IGSF21: variants seen among roughly 807,000 people sequenced by gnomAD.
The protein encoded by IGSF21 is immunoglobin superfamily member 21.
IGSF21 carries 28 observed loss-of-function variants against 46.8 expected under a neutral mutation model. The ratio of observed to expected loss-of-function variants is 0.60; its 90% CI spans 0.44 to 0.82. IGSF21 has a LOEUF of 0.82. IGSF21 is among the 40% of genes least tolerant of loss of function. The probability of loss-of-function intolerance (pLI) is 0.00; values close to 1 mark genes in which losing one functional copy is unlikely to be tolerated. For missense variants in IGSF21, 624 were observed against 665.5 expected (o/e 0.94, Z 0.69); for synonymous variants, 284 against 273.6 (o/e 1.04, Z -0.38).
chr1:18,200,526 C>G (rs2124482559), intron 1 of IGSF21, among the ~76,000 whole-genome samples: 1 of 152,266 alleles, frequency 6.6e-6, no homozygotes, highest in South Asian at 2.1e-4. Context: ...GGGCTTGTGC[C>G]TGCATCCCTC....
At chr1:18,272,188 C>T (rs1157563218) in intron 2 of IGSF21, among the ~76,000 whole-genome samples, 1 of 152,166 alleles carries the variant, frequency 6.6e-6, no homozygotes, top group East Asian at 1.9e-4. Context: ...AAACCATCAT[C>T]TCTCGTGAGA....
intron 2 of IGSF21, among the ~76,000 whole-genome samples, chr1:18,282,097 G>A (rs1158579100): frequency 6.6e-6 from 1 of 152,054 alleles, no homozygotes; most frequent in African/African-American, 2.4e-5. Flanking sequence ...GACCTCCTAG[G>A]GCACCAAGGG....
At chr1:18,224,325 C>T (rs150502016) in intron 1 of IGSF21, among the ~76,000 whole-genome samples, 5 of 152,224 alleles carry the variant, frequency 3.3e-5, no homozygotes, top group East Asian at 3.9e-4. Context: ...AGGGCCTTTG[C>T]GCTTGACATG....
At chr1:18,135,584 T>C (rs375051516) in intron 1 of IGSF21, among the ~76,000 whole-genome samples, 2 of 152,152 alleles carry the variant, frequency 1.3e-5, no homozygotes, top group African/African-American at 2.4e-5. Context: ...CTACAAAGGA[T>C]GTGAACTCAT....
intron 1 of IGSF21, among the ~76,000 whole-genome samples, chr1:18,191,945 G>A (rs1315805364): frequency 6.6e-6 from 1 of 152,152 alleles, no homozygotes; most frequent in Non-Finnish European, 1.5e-5. Flanking sequence ...ACAAACATGT[G>A]ACATCTGCCC....
intron 1 of IGSF21, among the ~76,000 whole-genome samples, chr1:18,179,572 A>T (rs1357636380): frequency 2.0e-5 from 3 of 152,246 alleles, no homozygotes; most frequent in Non-Finnish European, 4.4e-5. Context: ...AAAAGGAATC[A>T]AAATGAAAAC....
At chr1:18,280,108 C>T (rs185006125) in intron 2 of IGSF21, among the ~76,000 whole-genome samples, 12 of 152,228 alleles carry the variant, frequency 7.9e-5, no homozygotes, top group East Asian at 1.9e-4. Context: ...GGGGGTGACA[C>T]GGGGACTGAG....
chr1:18,338,014 T>C (rs1187351232), intron 4 of IGSF21, among the ~76,000 whole-genome samples: 1 of 151,996 alleles, frequency 6.6e-6, no homozygotes, highest in Non-Finnish European at 1.5e-5. Context: ...GTGTTTCTCA[T>C]ACAGCATCTC....
intron 6 of IGSF21, among the ~76,000 whole-genome samples, chr1:18,371,282 G>A (rs1161582730): frequency 1.3e-5 from 2 of 152,178 alleles, no homozygotes; most frequent in East Asian, 1.9e-4. Flanking sequence ...TCAAAAACAT[G>A]TTGATCAGGC....
chr1:18,135,082 C>T (rs72942375), intron 1 of IGSF21, among the ~76,000 whole-genome samples: 18,831 of 152,114 alleles, frequency 0.12, 1,291 homozygotes, highest in Non-Finnish European at 0.16. Flanking sequence ...AAACCCCAAA[C>T]GTGAAATGGC....
At chr1:18,282,870 T>G (rs1411018966) in intron 2 of IGSF21, among the ~76,000 whole-genome samples, 1 of 152,134 alleles carries the variant, frequency 6.6e-6, no homozygotes, top group Non-Finnish European at 1.5e-5. Flanking sequence ...CGCATGAACA[T>G]TCTCATTATT....
intron 2 of IGSF21, among the ~76,000 whole-genome samples, chr1:18,242,909 G>C (rs146067941): frequency 2.0e-5 from 3 of 152,194 alleles, no homozygotes; most frequent in African/African-American, 7.2e-5. Flanking sequence ...CATGTGACCC[G>C]CACCCTTGTC....
At chr1:18,254,624 G>A (rs932975204) in intron 2 of IGSF21, among the ~76,000 whole-genome samples, 2 of 152,072 alleles carry the variant, frequency 1.3e-5, no homozygotes, top group African/African-American at 4.8e-5. Context: ...GCTCCCAAAG[G>A]GGTATCTCTC....
At chr1:18,328,950 G>A (rs1392990360) in intron 3 of IGSF21, among the ~76,000 whole-genome samples, 5 of 152,162 alleles carry the variant, frequency 3.3e-5, no homozygotes, top group African/African-American at 1.2e-4. Flanking sequence ...GAATTAAGGG[G>A]CCCGCCAGAA....
intron 2 of IGSF21, among the ~76,000 whole-genome samples, chr1:18,241,159 A>G (rs897705595): frequency 8.5e-5 from 13 of 152,198 alleles, no homozygotes; most frequent in African/African-American, 3.1e-4. Context: ...CGAATTTTAT[A>G]GGGTTCAGAA....
At chr1:18,254,792 G>T (rs1164152282) in intron 2 of IGSF21, among the ~76,000 whole-genome samples, 1 of 152,148 alleles carries the variant, frequency 6.6e-6, no homozygotes, top group Non-Finnish European at 1.5e-5. Flanking sequence ...CTTTGTCAAT[G>T]CTTATAGCCT....
chr1:18,178,801 G>T (rs1278102800), intron 1 of IGSF21, among the ~76,000 whole-genome samples: 2 of 151,920 alleles, frequency 1.3e-5, no homozygotes, highest in Non-Finnish European at 2.9e-5. Flanking sequence ...GGACGGGTCT[G>T]TGCCTGTTTT....
chr1:18,148,172 C>T (rs2086487933), intron 1 of IGSF21, among the ~76,000 whole-genome samples: 1 of 143,270 alleles, frequency 7.0e-6, no homozygotes, highest in Non-Finnish European at 1.5e-5. Context: ...GCTCTGTCGC[C>T]CAGGCTGGAG....
At chr1:18,149,841 G>A (rs1047347980) in intron 1 of IGSF21, among the ~76,000 whole-genome samples, 1 of 152,108 alleles carries the variant, frequency 6.6e-6, no homozygotes, top group Admixed American at 6.5e-5. Context: ...ACTATAAAAG[G>A]TAGATCTGGG....
Sources: gnomAD v4.1 joint callset for allele counts (sites outside exome capture counted in the v4.1 genomes callset) on GRCh38, gnomAD v4.1.1 for gene constraint, MANE v1.5 for transcripts, NCBI Gene and HGNC (gene_info 2026-07-23, HGNC 2026-07-21) for gene names.